The following EPB41L4A variants were observed in gnomAD, a reference collection of about 807,000 sequenced individuals.
EPB41L4A encodes the protein erythrocyte membrane protein band 4.1 like 4A, also known as band 4.1-like protein 4A.
EPB41L4A carries 100 observed loss-of-function variants against 108.6 expected under a neutral mutation model. That is an observed-to-expected ratio of 0.92 (90% CI 0.78 to 1.09). EPB41L4A has a LOEUF of 1.09. Among genes scored for constraint, EPB41L4A ranks in the 50% least tolerant of loss-of-function variants. EPB41L4A has a pLI of 0.00. For synonymous variants in EPB41L4A, 319 were observed against 289.0 expected (o/e 1.10, Z -1.05); for missense variants, 1,030 against 842.7 (o/e 1.22, Z -2.75).
intron 1 of EPB41L4A, among the ~76,000 whole-genome samples, chr5:112,332,204 AAC>A (rs1332487440): frequency 6.6e-6 from 1 of 152,236 alleles, no homozygotes; most frequent in East Asian, 1.9e-4. Flanking sequence ...AGAAGAATAA[AAC>A]ACAGTCTTTT....
In EPB41L4A at chr5:112,259,283, A is replaced by G; in HGVS notation, c.741T>C (p.Ile247=). The change falls in exon 9 of 23, where the codon ATT becomes ATC. Residue 247 remains isoleucine (I), a synonymous_variant. Coordinates refer to ENST00000261486, the MANE Select transcript of EPB41L4A (RefSeq NM_022140.5). ...KQVGKYFWPR[I]TKVHFKETQF... is the part of the protein sequence containing the mutation. ...GAGTCTCCTTGAAGTGAACCTTTGT[A>G]ATCCGAGGCCTAAAAAACAAAGCAG... 1 of 1,613,916 alleles carries G rather than the reference A, an allele frequency of 6.2e-7. No individual in the cohort carries two copies. Among genetic ancestry groups the G allele is most frequent in the Non-Finnish European group, 8.5e-7 (1 of 1,179,760 alleles).
intron 1 of EPB41L4A, among the ~76,000 whole-genome samples, chr5:112,333,157 C>G (rs556520283): frequency 7.2e-5 from 11 of 152,278 alleles, no homozygotes; most frequent in East Asian, 5.8e-4. Context: ...AATGGAGGCA[C>G]CCAAAGGGCT....
intron 12 of EPB41L4A, among the ~76,000 whole-genome samples, chr5:112,220,185 TTC>T (rs1197437774): frequency 6.6e-6 from 1 of 152,236 alleles, no homozygotes; most frequent in African/African-American, 2.4e-5. Context: ...ATGTAATGTA[TTC>T]TGTTATAAAG....
In EPB41L4A at chr5:112,156,461, A is replaced by C. The variant is rs187230749; in HGVS notation, n.994+1940T>G. Among the ~76,000 whole-genome samples the C allele has an allele frequency of 4.6e-5, 7 of 151,714 alleles. No individual in the cohort carries two copies. The East Asian group carries it at 1.4e-3, about 29-fold the overall frequency. On this transcript the variant is annotated intron_variant and non_coding_transcript_variant, in intron 12 of 13. Coordinates refer to the EPB41L4A transcript ENST00000507810. ...AGAAGATTAACGTTCCAGCTGATAG[A>C]GTCAGGCAGACAGCAAGCGAATCCT... is the stretch of plus-strand genomic sequence containing the variant.
At position 112,307,472 on chromosome 5, in the gene EPB41L4A, C is replaced by A. The variant is rs765087368; in HGVS notation, c.118G>T (p.Val40Phe). 3 of 1,612,510 alleles carry A rather than the reference C, an allele frequency of 1.9e-6. No homozygotes were observed. The highest frequency in any genetic ancestry group is 1.3e-5 in the African/African-American group (1 of 74,866). ...QGIKKSTKGS[V>F]VLDHVFHHVN... is the part of the protein sequence containing the mutation. The stretch of plus-strand genomic sequence containing the variant: ...TGATGGAATACGTGGTCAAGGACAA[C>A]GGAACCTTTCGTTGACTTCTGCAAA... The change falls in exon 2 of 23, where the codon GTT becomes TTT. Residue 40 changes from valine (V) to phenylalanine (F), a missense_variant. By Grantham distance (50) the Val-to-Phe change is conservative (BLOSUM62 -1). Coordinates refer to ENST00000261486, the MANE Select transcript of EPB41L4A (RefSeq NM_022140.5).
At chr5:112,244,675 G>A (rs1041540492) in intron 9 of EPB41L4A, among the ~76,000 whole-genome samples, 2 of 152,178 alleles carry the variant, frequency 1.3e-5, no homozygotes, top group African/African-American at 4.8e-5. Flanking sequence ...AGGCTTTCCA[G>A]TTGATCTGCG....
chr5:112,143,145 T>A (rs897852834), exon 14 of EPB41L4A: 1 of 152,202 alleles, frequency 6.6e-6, no homozygotes, highest in Non-Finnish European at 1.5e-5. Flanking sequence ...AGCAAGCCCA[T>A]TTATGATCAC....
At chr5:112,299,852 CAT>C (rs1216865422) in intron 2 of EPB41L4A, among the ~76,000 whole-genome samples, 1 of 152,142 alleles carries the variant, frequency 6.6e-6, no homozygotes, top group African/African-American at 2.4e-5. Context: ...GTGTTAAGTG[CAT>C]ATATATTTGG....
chr5:112,330,754 T>C (rs184895050), intron 1 of EPB41L4A, among the ~76,000 whole-genome samples: 5 of 151,330 alleles, frequency 3.3e-5, no homozygotes, highest in East Asian at 3.9e-4. Flanking sequence ...TTGGTATAGG[T>C]TTAAAAAAAA....
intron 4 of EPB41L4A, among the ~76,000 whole-genome samples, chr5:112,272,136 G>GTTTT (rs762038991): frequency 5.2e-4 from 13 of 25,064 alleles, no homozygotes; most frequent in African/African-American, 1.4e-3. Flanking sequence ...AGCATTATTT[G>GTTTT]TATTTTTTTT....
At chr5:112,230,685 T>C (rs1748849318) in intron 12 of EPB41L4A, among the ~76,000 whole-genome samples, 1 of 152,218 alleles carries the variant, frequency 6.6e-6, no homozygotes, top group Admixed American at 6.5e-5. Flanking sequence ...GTTGACTGTT[T>C]ACTCTGATCA....
At position 112,163,131 on chromosome 5, in the gene EPB41L4A, T is replaced by A. The variant is rs756513195; in HGVS notation, c.*1859A>T. On this transcript the variant is annotated 3_prime_UTR_variant, in exon 23 of 23. Transcript: ENST00000261486. ...AGAAAAGGTAGTTGAACTAGGTTGCTTATTGTTGTCTAGACAAGAGACCAG... is the reference window on the plus strand; with the variant it reads ...AGAAAAGGTAGTTGAACTAGGTTGCATATTGTTGTCTAGACAAGAGACCAG... 3 of 152,228 alleles carry A rather than the reference T, an allele frequency of 2.0e-5. No homozygotes were observed. The highest frequency in any genetic ancestry group is 4.4e-5 in the Non-Finnish European group (3 of 68,038). The allele number at this position is 152,228 out of a possible 1,614,324, so 9.4% of individuals were successfully genotyped here.
chr5:112,179,169 AT>A (rs1761023175), intron 18 of EPB41L4A, among the ~76,000 whole-genome samples: 1 of 152,110 alleles, frequency 6.6e-6, no homozygotes, highest in Admixed American at 6.5e-5. Flanking sequence ...TAAAATATGA[AT>A]ATCTCAATAT....
intron 4 of EPB41L4A, among the ~76,000 whole-genome samples, chr5:112,272,851 T>C (rs1041756690): frequency 6.8e-6 from 1 of 146,652 alleles, no homozygotes; most frequent in Non-Finnish European, 1.5e-5. Flanking sequence ...AATAGTAACA[T>C]GTCAAAAAAA....
intron 12 of EPB41L4A, among the ~76,000 whole-genome samples, chr5:112,219,000 G>T (rs142814555): frequency 6.6e-6 from 1 of 152,278 alleles, no homozygotes; most frequent in East Asian, 1.9e-4. Context: ...CCGATTCGTT[G>T]TGTCATCCAT....
intron 17 of EPB41L4A, 64 bp downstream of exon 17, chr5:112,194,504 T>C: frequency 1.0e-6 from 1 of 963,288 alleles, no homozygotes; most frequent in Non-Finnish European, 1.6e-6. Context: ...GGACACTCAG[T>C]TTCTACCACC....
intron 1 of EPB41L4A, among the ~76,000 whole-genome samples, chr5:112,322,541 C>A (rs1165319831): frequency 6.6e-6 from 1 of 152,162 alleles, no homozygotes; most frequent in Admixed American, 6.5e-5. Flanking sequence ...TAGGAAGGCA[C>A]TGGGGTTGAT....
In EPB41L4A at chr5:112,194,565, T is replaced by C. The variant is rs370262581; in HGVS notation, c.1502+3A>G. 4.3e-5 allele frequency: 66 copies of C among 1,536,428 alleles called. 2 individuals are homozygous for C. The African/African-American group carries it at 5.0e-4, about 12-fold the overall frequency. ...CCAGTTAATTATAATATTGAGATATTACCTGTTTCTCTTTTTCCGGTATTC... is the reference window on the plus strand; with the variant it reads ...CCAGTTAATTATAATATTGAGATATCACCTGTTTCTCTTTTTCCGGTATTC... On this transcript the variant is annotated splice_donor_region_variant and intron_variant, in intron 17 of 22. Transcript: ENST00000261486.
rs545392233 is a variant in EPB41L4A, at chr5:112,386,608, T to A, written c.99+32333A>T. Among the ~76,000 whole-genome samples the A allele has an allele frequency of 3.6e-4, 55 of 152,324 alleles. 1 individual carries two copies. Among genetic ancestry groups the A allele is most frequent in the African/African-American group, 1.3e-3 (53 of 41,574 alleles). On this transcript the variant is annotated intron_variant, in intron 1 of 22. Transcript: ENST00000261486. Reference sequence around the variant, plus strand: ...CTGCAAAAGATGTAAGATATTGGAATGAGCACTAACTTCAGGACAGACTAT... The same window carrying A: ...CTGCAAAAGATGTAAGATATTGGAAAGAGCACTAACTTCAGGACAGACTAT...
Sources: allele counts gnomAD v4.1 joint callset (sites outside exome capture counted in the v4.1 genomes callset), GRCh38; gene constraint gnomAD v4.1.1; transcripts MANE v1.5; gene names NCBI Gene and HGNC (gene_info 2026-07-23, HGNC 2026-07-21).